The following NEGR1 variants were observed in gnomAD, a reference collection of about 807,000 sequenced individuals.
NEGR1 encodes IgLON family member 4.
In NEGR1, 10 loss-of-function variants were observed where a neutral mutation model predicts 40.9. The observed-to-expected ratio is 0.24, with a 90% CI of 0.15 to 0.42. The LOEUF (loss-of-function observed/expected upper bound fraction) is 0.42. Among genes scored for constraint, NEGR1 ranks in the 10% least tolerant of loss-of-function variants. NEGR1 has a pLI of 1.00. For synonymous variants in NEGR1, 185 were observed against 166.8 expected (o/e 1.11, Z -0.84); for missense variants, 352 against 438.9 (o/e 0.80, Z 1.77).
chr1:71,900,661 T>C (rs1261254100), intron 2 of NEGR1, among the ~76,000 whole-genome samples: 1 of 152,170 alleles, frequency 6.6e-6, no homozygotes, highest in African/African-American at 2.4e-5. Context: ...TGTTTGCATG[T>C]TTTAATAACT....
intron 1 of NEGR1, among the ~76,000 whole-genome samples, chr1:71,995,750 T>C (rs1646498822): frequency 6.6e-6 from 1 of 152,208 alleles, no homozygotes. Flanking sequence ...AATTTTTTAA[T>C]GCCAAAGGCA....
chr1:71,833,835 ACT>A (rs1380618366), intron 2 of NEGR1, among the ~76,000 whole-genome samples: 1 of 151,982 alleles, frequency 6.6e-6, no homozygotes, highest in African/African-American at 2.4e-5. Context: ...GAACCAGCGC[ACT>A]CTCACTGCAG....
intron 1 of NEGR1, among the ~76,000 whole-genome samples, chr1:72,123,033 C>T (rs1462221851): frequency 1.3e-5 from 2 of 151,760 alleles, no homozygotes; most frequent in Non-Finnish European, 2.9e-5. Context: ...CATTGTTTTC[C>T]ATGTTATTAA....
chr1:71,740,356 ATCT>A lies in NEGR1; in HGVS notation c.535+35813_535+35815del, dbSNP rs1238437915. On this transcript the variant is annotated intron_variant, in intron 3 of 6. Transcript: ENST00000357731. ...CTTTAGGTTTGCTCTGCTACTCTGT[ATCT>A]TATATGGTTGTTAGATACTGAGATT... is the stretch of plus-strand genomic sequence containing the variant. Among the ~76,000 whole-genome samples the A allele has an allele frequency of 2.0e-3, 311 of 152,252 alleles. 1 individual carries two copies. Among genetic ancestry groups the A allele is most frequent in the African/African-American group, 7.1e-3 (295 of 41,536 alleles).
chr1:71,928,537 CAT>C (rs891064187), intron 2 of NEGR1, among the ~76,000 whole-genome samples: 2 of 131,400 alleles, frequency 1.5e-5, no homozygotes, highest in Non-Finnish European at 3.2e-5. Flanking sequence ...CATCTATACA[CAT>C]ATATATACAC....
intron 6 of NEGR1, chr1:71,461,453 T>C (rs1261589316): frequency 6.6e-6 from 1 of 152,248 alleles, no homozygotes; most frequent in East Asian, 1.9e-4. Context: ...AACTCATTTA[T>C]TCTCTTTATA....
intron 4 of NEGR1, among the ~76,000 whole-genome samples, chr1:71,648,134 T>G (rs754470108): frequency 6.6e-6 from 1 of 151,978 alleles, no homozygotes; most frequent in Non-Finnish European, 1.5e-5. Flanking sequence ...CTTAAAAGAA[T>G]GCTTTGGGGT....
rs890367774 is a variant in NEGR1 at position 71,799,241 on chromosome 1, G to A, written c.410-22944C>T. Among the ~76,000 whole-genome samples the A allele has an allele frequency of 3.1e-4, 47 of 151,994 alleles. 1 individual carries two copies. The highest frequency in any genetic ancestry group is 1.2e-4 in the Non-Finnish European group (8 of 68,008). ...CCCAGTGTGTGATATTCACCTCCCTGTGTCCATGTATTCTCATTGTTCAAC... is the reference window on the plus strand; with the variant it reads ...CCCAGTGTGTGATATTCACCTCCCTATGTCCATGTATTCTCATTGTTCAAC... On this transcript the variant is annotated intron_variant, in intron 2 of 6. Transcript: ENST00000357731.
At chr1:71,570,411 G>C (rs1160462828) in intron 6 of NEGR1, among the ~76,000 whole-genome samples, 2 of 152,032 alleles carry the variant, frequency 1.3e-5, no homozygotes, top group African/African-American at 2.4e-5. Flanking sequence ...GTGATATACT[G>C]TTTCTGTATG....
intron 6 of NEGR1, among the ~76,000 whole-genome samples, chr1:71,454,967 G>C (rs1000602463): frequency 1.3e-5 from 2 of 152,156 alleles, no homozygotes; most frequent in Non-Finnish European, 2.9e-5. Context: ...TACTCCACAG[G>C]CTTGGCCAGG....
intron 2 of NEGR1, among the ~76,000 whole-genome samples, chr1:71,907,251 T>C (rs1216856452): frequency 3.9e-5 from 6 of 152,152 alleles, no homozygotes; most frequent in Admixed American, 3.9e-4. Flanking sequence ...ATTTCCATAG[T>C]GGTTGTCTAG....
chr1:72,105,449 CCTGCA>C lies in NEGR1; in HGVS notation c.177-170143_177-170139del, dbSNP rs1649098657. On this transcript the variant is annotated intron_variant, in intron 1 of 6. Coordinates refer to ENST00000357731, the MANE Select transcript of NEGR1 (RefSeq NM_173808.3). ...AGTGTGCTGGCTCAAGCCTGCAATT[CCTGCA>C]CTTTGGTGGGGGGCCGAGGCAGGAG... is the stretch of plus-strand genomic sequence containing the variant. Among the ~76,000 whole-genome samples, 3 of 152,006 alleles carry C rather than the reference CCTGCA, an allele frequency of 2.0e-5. No homozygotes were observed. The South Asian group carries it at 6.2e-4, about 32-fold the overall frequency.
At chr1:72,182,675 A>G (rs1055624913) in intron 1 of NEGR1, among the ~76,000 whole-genome samples, 3 of 151,892 alleles carry the variant, frequency 2.0e-5, no homozygotes, top group Non-Finnish European at 4.4e-5. Context: ...ATTGAAAGAC[A>G]TTTTGAAATA....
intron 3 of NEGR1, among the ~76,000 whole-genome samples, chr1:71,749,856 AT>A (rs1655508762): frequency 6.6e-6 from 1 of 152,222 alleles, no homozygotes; most frequent in Non-Finnish European, 1.5e-5. Context: ...TATTTTTAAC[AT>A]TTAATGATTA....
At chr1:72,199,044 T>C (rs1323174088) in intron 1 of NEGR1, among the ~76,000 whole-genome samples, 1 of 151,940 alleles carries the variant, frequency 6.6e-6, no homozygotes, top group Non-Finnish European at 1.5e-5. Flanking sequence ...TCAGAATTTA[T>C]CTGGATGTCA....
Position 71,611,155 on chromosome 1 carries a change from G to GAAAC in NEGR1, c.668-13_668-10dup, listed in dbSNP as rs761837398. The GAAAC allele has an allele frequency of 6.2e-6, 10 of 1,611,884 alleles. No homozygotes were observed. In the South Asian group the frequency reaches 1.1e-4, roughly 18 times the overall value. On this transcript the variant is annotated splice_polypyrimidine_tract_variant and intron_variant, in intron 4 of 6. Transcript: ENST00000357731. ...CTGAATAGTAGGAGCAACTGCAAAA[G>GAAAC]AAACAAACAAACAAATACTAGTAGA...
At chr1:71,918,094 G>A (rs1341052717) in intron 2 of NEGR1, among the ~76,000 whole-genome samples, 1 of 149,698 alleles carries the variant, frequency 6.7e-6, no homozygotes, top group Non-Finnish European at 1.5e-5. Flanking sequence ...GCGGGTGCCT[G>A]TAGTCCCAGC....
At position 72,251,729 on chromosome 1, in the gene NEGR1, C is replaced by G. The variant is rs149413984; in HGVS notation, c.176+30590G>C. ...GTTTTTTTTCCAGATATTTTGGATC[C>G]ATGGTTGAATTTGCCAATGAGGAAC... is the stretch of plus-strand genomic sequence containing the variant. On this transcript the variant is annotated intron_variant, in intron 1 of 6. Transcript: ENST00000357731. 2.6e-5 allele frequency among the ~76,000 whole-genome samples: 4 copies of G among 152,154 alleles called. No individual in the cohort carries two copies. The East Asian group carries it at 5.8e-4, about 22-fold the overall frequency.
At chr1:71,659,875 TG>T (rs1557603156) in intron 4 of NEGR1, among the ~76,000 whole-genome samples, 1 of 152,150 alleles carries the variant, frequency 6.6e-6, no homozygotes, top group East Asian at 1.9e-4. Flanking sequence ...ACACTCTTTG[TG>T]GGAGTGTAAA....
Sources: allele counts gnomAD v4.1 joint callset (sites outside exome capture counted in the v4.1 genomes callset), GRCh38; gene constraint gnomAD v4.1.1; transcripts MANE v1.5; gene names NCBI Gene and HGNC (gene_info 2026-07-23, HGNC 2026-07-21).